Variants in DOCK11 observed in about 807,000 individuals in gnomAD.
DOCK11 encodes the protein dedicator of cytokinesis protein 11.
A neutral mutation model predicts 169.1 loss-of-function variants in DOCK11; 70 were observed. The observed-to-expected ratio is 0.41, with a 90% confidence interval of 0.34 to 0.51. DOCK11 has a LOEUF of 0.51. Among genes scored for constraint, DOCK11 ranks in the 20% least tolerant of loss-of-function variants. The pLI is 0.10. For missense variants in DOCK11, 1,166 were observed against 1,538.8 expected, an observed-to-expected ratio of 0.76 and a Z score of 4.05; for synonymous variants, 529 against 541.3, an observed-to-expected ratio of 0.98 and a Z score of 0.32.
At position 118,593,235 on chromosome X, in the gene DOCK11, C is replaced by T. The variant is rs771693626; in HGVS notation, c.2161C>T (p.His721Tyr). The T allele has an allele frequency of 8.3e-7, 1 of 1,199,378 alleles. No homozygotes were observed. Among genetic ancestry groups the T allele is most frequent in the Non-Finnish European group, 1.1e-6 (1 of 889,902 alleles). ...TCAGATTAAAATTGAGCTTCCCATT[C>T]ACCTACATCAAAAACATCATTTGCT... ...YDEIKIELPI[H>Y]LHQKHHLLFT... The change falls in exon 20 of 53, where the codon CAC becomes TAC. Residue 721 changes from histidine (H) to tyrosine (Y), a missense_variant. Transcript: ENST00000276202.
intron 1 of DOCK11, among the ~76,000 whole-genome samples, chrX:118,529,844 C>G (rs760285330): frequency 5.4e-5 from 6 of 111,007 alleles, no homozygotes; most frequent in Non-Finnish European, 1.1e-4. Context: ...TCAGGATCAT[C>G]AAATATGAGA....
chrX:118,548,316 T>C (rs1188353252), intron 6 of DOCK11, among the ~76,000 whole-genome samples: 5 of 112,428 alleles, frequency 4.4e-5, no homozygotes, highest in African/African-American at 1.6e-4. Flanking sequence ...ATTTGTGAAA[T>C]ACACATTGAT....
chrX:118,513,197 T>C (rs2057660772), intron 1 of DOCK11, among the ~76,000 whole-genome samples: 1 of 112,194 alleles, frequency 8.9e-6, no homozygotes, highest in African/African-American at 3.2e-5. Context: ...CTCTCCTCTG[T>C]TTGGCTAAAA....
chrX:118,681,687 G>A lies in DOCK11; in HGVS notation c.5863-7G>A, dbSNP rs2275917. On this transcript the variant is annotated splice_polypyrimidine_tract_variant and splice_region_variant and intron_variant, in intron 50 of 52. Coordinates refer to ENST00000276202, the MANE Select transcript of DOCK11 (RefSeq NM_144658.4). Reference sequence around the variant, plus strand: ...AACACTCTCATTTTTCTTCTATTGTGATATAGGTCAATGCTGGTCCATTAG... The same window carrying A: ...AACACTCTCATTTTTCTTCTATTGTAATATAGGTCAATGCTGGTCCATTAG... 0.17 allele frequency: 195,510 copies of A among 1,146,481 alleles called. 11,817 individuals carry two copies. Among genetic ancestry groups the A allele is most frequent in the Admixed American group, 0.26 (9,583 of 36,695 alleles). The allele number at this position is 1,146,481 out of a possible 1,213,427, so 94.5% of individuals were successfully genotyped here.
At chrX:118,565,442 GT>G (rs758739559) in intron 7 of DOCK11, among the ~76,000 whole-genome samples, 19 of 111,828 alleles carry the variant, frequency 1.7e-4, no homozygotes, top group Admixed American at 2.9e-4. Context: ...ATAAATTATT[GT>G]TAACTATGGT....
chrX:118,621,040 T>G (rs2014958940), intron 31 of DOCK11, among the ~76,000 whole-genome samples: 1 of 112,762 alleles, frequency 8.9e-6, no homozygotes, highest in Admixed American at 9.4e-5. Context: ...GAGCAGTGTG[T>G]GTACACACGC....
intron 23 of DOCK11, among the ~76,000 whole-genome samples, chrX:118,600,507 G>A (rs4465133): frequency 0.02 from 2,187 of 111,055 alleles, 25 homozygotes; most frequent in Middle Eastern, 0.051. Context: ...TATGGGCCAG[G>A]CATCATTCTA....
chrX:118,591,909 T>G (rs1414845829), intron 19 of DOCK11, among the ~76,000 whole-genome samples: 5 of 100,508 alleles, frequency 5.0e-5, no homozygotes, highest in Non-Finnish European at 1.0e-4. Flanking sequence ...TGCAATAGTT[T>G]GCTGAGAATG....
chrX:118,652,934 T>G, intron 42 of DOCK11, among the ~76,000 whole-genome samples: 1 of 112,067 alleles, frequency 8.9e-6, no homozygotes, highest in Middle Eastern at 4.6e-3. Context: ...AATATTCCCA[T>G]AGGAATGTTG....
intron 31 of DOCK11, among the ~76,000 whole-genome samples, chrX:118,619,034 T>G (rs1317504488): frequency 9.3e-6 from 1 of 107,908 alleles, no homozygotes; most frequent in Non-Finnish European, 1.9e-5. Flanking sequence ...ATTTTTGTAT[T>G]TTTTAGTAGA....
chrX:118,624,663 G>A lies in DOCK11; in HGVS notation c.3588+8G>A, dbSNP rs201300203. 13 of 1,115,290 alleles carry A rather than the reference G, an allele frequency of 1.2e-5. No individual in the cohort carries two copies. Among genetic ancestry groups the A allele is most frequent in the Non-Finnish European group, 1.6e-5 (13 of 815,757 alleles). The allele number at this position is 1,115,290 out of a possible 1,213,427, so 91.9% of individuals were successfully genotyped here. A position where few individuals can be genotyped will look rare whatever the true frequency, so the allele number is the denominator to read the frequency against. ...GCAGCCATGCCTAATTCTGTAAGTAGTAATGTGTTTCTGTTGGAGTTTTAT... is the reference window on the plus strand; with the variant it reads ...GCAGCCATGCCTAATTCTGTAAGTAATAATGTGTTTCTGTTGGAGTTTTAT... On this transcript the variant is annotated splice_region_variant and intron_variant, in intron 32 of 52. Transcript: ENST00000276202.
At chrX:118,678,375 A>G (rs189532937) in intron 48 of DOCK11, among the ~76,000 whole-genome samples, 5 of 112,634 alleles carry the variant, frequency 4.4e-5, no homozygotes. Flanking sequence ...GGTATTACCC[A>G]TATAATGGAT....
intron 20 of DOCK11, among the ~76,000 whole-genome samples, chrX:118,593,679 C>T (rs759397900): frequency 9.0e-6 from 1 of 110,920 alleles, no homozygotes; most frequent in Non-Finnish European, 1.9e-5. Context: ...ACAAGAATAG[C>T]ACAGGAAAGA....
At chrX:118,599,985 G>C (rs1178054549) in intron 23 of DOCK11, among the ~76,000 whole-genome samples, 1 of 111,986 alleles carries the variant, frequency 8.9e-6, no homozygotes, top group African/African-American at 3.2e-5. Context: ...AACTGAGCTT[G>C]TATCCCACAT....
chrX:118,509,051 T>C (rs1181293384), intron 1 of DOCK11, among the ~76,000 whole-genome samples: 3 of 111,779 alleles, frequency 2.7e-5, no homozygotes, highest in Non-Finnish European at 5.6e-5. Flanking sequence ...TTGGATCTTC[T>C]TGTCCCCTTG....
chrX:118,625,049 C>T (rs779950750), intron 32 of DOCK11, among the ~76,000 whole-genome samples: 1 of 110,985 alleles, frequency 9.0e-6, no homozygotes, highest in South Asian at 3.8e-4. Flanking sequence ...CATGAGCCAC[C>T]GTGCCCAGCC....
At chrX:118,648,125 T>TTATATAATATAA in intron 40 of DOCK11, among the ~76,000 whole-genome samples, 1 of 76,728 alleles carries the variant, frequency 1.3e-5, no homozygotes, top group Non-Finnish European at 2.3e-5. Context: ...AATTGTAATA[T>TTATATAATATAA]TATATAATAT....
rs375112916 is a variant in DOCK11 at position 118,547,877 on chromosome X, G to A, written c.558+1761G>A. On this transcript the variant is annotated intron_variant, in intron 6 of 52. Transcript: ENST00000276202. Reference sequence around the variant, plus strand: ...CGTTTTTGACTGCATTCCCTTTCCCGCAGATTCTCAAAATATTCAAATAGG... The same window carrying A: ...CGTTTTTGACTGCATTCCCTTTCCCACAGATTCTCAAAATATTCAAATAGG... Among the ~76,000 whole-genome samples the A allele has an allele frequency of 1.1e-4, 12 of 111,860 alleles. No homozygotes were observed. The South Asian group carries it at 3.0e-3, about 28-fold the overall frequency.
At chrX:118,594,193 C>G (rs1006564404) in intron 20 of DOCK11, among the ~76,000 whole-genome samples, 14 of 111,877 alleles carry the variant, frequency 1.3e-4, no homozygotes, top group African/African-American at 4.6e-4. Context: ...TTACGTAAAC[C>G]AATGGGTAGC....
Sources: gnomAD v4.1 joint callset for allele counts (sites outside exome capture counted in the v4.1 genomes callset) on GRCh38, gnomAD v4.1.1 for gene constraint, MANE v1.5 for transcripts, NCBI Gene and HGNC (gene_info 2026-07-23, HGNC 2026-07-21) for gene names.